PDE10A: variants seen among roughly 807,000 people sequenced by gnomAD.
The protein encoded by PDE10A is phosphodiesterase 10A.
Under a neutral mutation model 97.7 loss-of-function variants are expected in PDE10A, and 39 were observed. The ratio of observed to expected loss-of-function variants is 0.40; its 90% CI spans 0.31 to 0.52. The LOEUF (loss-of-function observed/expected upper bound fraction) is 0.52, where lower values mean the gene tolerates loss of function less well. Ranked by LOEUF, PDE10A falls within the 20% of genes least tolerant of loss-of-function variation. The pLI, the probability that PDE10A is intolerant of heterozygous loss-of-function variation, is 0.56. For missense variants in PDE10A, 731 were observed against 1,047.8 expected (o/e 0.70, Z 4.17); for synonymous variants, 371 against 376.8 (o/e 0.98, Z 0.18).
chr6:165,889,952 T>C (rs868564644), intron 1 of PDE10A, among the ~76,000 whole-genome samples: 94 of 41,664 alleles, frequency 2.3e-3, no homozygotes, highest in East Asian at 7.6e-3. Flanking sequence ...CCCTCCCTCC[T>C]CCCTCCCTCA....
rs897494797 is a variant in PDE10A at position 165,655,113 on chromosome 6, C to G, written c.865+6834G>C. On this transcript the variant is annotated intron_variant, in intron 1 of 21. Transcript: ENST00000539869. The surrounding 1 kb of genome is among the most constrained non-coding windows in gnomAD (Gnocchi z 4.5). ...GTTCGCGTGTCAAACTTCAGCCAGG[C>G]ACTTACATTGCACCCAGCTATGGTT... Among the ~76,000 whole-genome samples the G allele has an allele frequency of 6.6e-6, 1 of 152,266 alleles. No homozygotes were observed. Among genetic ancestry groups the G allele is most frequent in the African/African-American group, 2.4e-5 (1 of 41,546 alleles).
intron 10 of PDE10A, among the ~76,000 whole-genome samples, chr6:165,425,695 G>T (rs1789077602): frequency 6.6e-6 from 1 of 151,740 alleles, no homozygotes; most frequent in Non-Finnish European, 1.5e-5. Flanking sequence ...GGGTAATCAT[G>T]CCAGAAAAAG....
intron 1 of PDE10A, among the ~76,000 whole-genome samples, chr6:165,782,998 T>G (rs538708747): frequency 6.6e-6 from 1 of 151,874 alleles, no homozygotes; most frequent in Non-Finnish European, 1.5e-5. Context: ...TTTGTGGTCC[T>G]CTCTGATGCT....
chr6:165,381,953 T>C (rs1386937715), intron 17 of PDE10A, among the ~76,000 whole-genome samples: 3 of 152,194 alleles, frequency 2.0e-5, no homozygotes, highest in Non-Finnish European at 2.9e-5. Flanking sequence ...ATAATACTTT[T>C]ATACACCAAT....
chr6:165,922,654 A>C (rs1782789238), intron 1 of PDE10A, among the ~76,000 whole-genome samples: 1 of 152,126 alleles, frequency 6.6e-6, no homozygotes, highest in African/African-American at 2.4e-5. Flanking sequence ...ATCATGTGGG[A>C]GTTTATGAGA....
At chr6:165,823,826 A>G (rs1779650676) in intron 1 of PDE10A, among the ~76,000 whole-genome samples, 1 of 152,030 alleles carries the variant, frequency 6.6e-6, no homozygotes, top group South Asian at 2.1e-4. Flanking sequence ...CTCCATAATC[A>G]TCTTACGGGA....
At chr6:165,622,570 T>C (rs1451338124) in intron 1 of PDE10A, among the ~76,000 whole-genome samples, 4 of 152,180 alleles carry the variant, frequency 2.6e-5, no homozygotes, top group Non-Finnish European at 4.4e-5. Context: ...AAATATGGTA[T>C]TATAATCTTA....
chr6:165,580,000 T>A lies in PDE10A; in HGVS notation c.866-36432A>T, dbSNP rs186445651. On this transcript the variant is annotated intron_variant, in intron 1 of 21. Coordinates refer to ENST00000539869, the MANE Select transcript of PDE10A (RefSeq NM_001385079.1). Reference sequence around the variant, plus strand: ...CTGACCCTCCTCACTCTGTTCTACATCATTTTTCCTGTGGCACTCTAAACT... The same window carrying A: ...CTGACCCTCCTCACTCTGTTCTACAACATTTTTCCTGTGGCACTCTAAACT... Among the ~76,000 whole-genome samples the A allele has an allele frequency of 8.5e-5, 13 of 152,302 alleles. No individual in the cohort carries two copies. The East Asian group carries it at 2.5e-3, about 29-fold the overall frequency.
At chr6:165,603,229 T>C (rs12214904) in intron 1 of PDE10A, among the ~76,000 whole-genome samples, 15,228 of 152,152 alleles carry the variant, frequency 0.1, 935 homozygotes, top group Non-Finnish European at 0.13. Context: ...AATTCTGCCA[T>C]CCAGCCATGT....
At chr6:165,855,366 C>A (rs1185905256) in intron 1 of PDE10A, among the ~76,000 whole-genome samples, 1 of 150,672 alleles carries the variant, frequency 6.6e-6, no homozygotes, top group African/African-American at 2.4e-5. Context: ...CCTTGGGTGC[C>A]AGGGTGAAGG....
chr6:165,897,131 G>A (rs1363209317), intron 1 of PDE10A, among the ~76,000 whole-genome samples: 12 of 152,106 alleles, frequency 7.9e-5, no homozygotes, highest in East Asian at 1.9e-4. Flanking sequence ...AAAAGCAAAC[G>A]GAACTTCCTG....
chr6:165,626,637 A>G (rs1788400284), intron 1 of PDE10A, among the ~76,000 whole-genome samples: 1 of 152,236 alleles, frequency 6.6e-6, no homozygotes, highest in Non-Finnish European at 1.5e-5. Context: ...GTGTTAGGAA[A>G]GAAGACTTTC....
intron 1 of PDE10A, among the ~76,000 whole-genome samples, chr6:165,768,549 T>C (rs766541479): frequency 6.6e-6 from 1 of 152,204 alleles, no homozygotes; most frequent in Non-Finnish European, 1.5e-5. Flanking sequence ...GATTATCCAA[T>C]ATTTTTAATA....
chr6:165,905,598 G>A lies in PDE10A; in HGVS notation c.-615+81931C>T, dbSNP rs147195407. On this transcript the variant is annotated intron_variant, in intron 1 of 19. Coordinates refer to the PDE10A transcript ENST00000366882. The stretch of plus-strand genomic sequence containing the variant: ...TACATATGTTTATATATTTTAAATC[G>A]CCATTTACATGGTAATTTAAAAAAT... Among the ~76,000 whole-genome samples, 859 of 151,798 alleles carry A rather than the reference G, an allele frequency of 5.7e-3. 5 individuals are homozygous for A. Among genetic ancestry groups the A allele is most frequent in the Non-Finnish European group, 8.4e-3 (568 of 67,940 alleles).
rs77969676 is a variant in PDE10A, at chr6:165,604,811, T to C, written c.865+57136A>G. 2.8e-3 allele frequency among the ~76,000 whole-genome samples: 420 copies of C among 152,344 alleles called. 3 individuals carry two copies. Among genetic ancestry groups the C allele is most frequent in the African/African-American group, 9.7e-3 (405 of 41,582 alleles). ...TTACACATACATGTGGATTTCAGTG[T>C]AGAAGAAAAAAGCTAACAGGGTCAT... On this transcript the variant is annotated intron_variant, in intron 1 of 21. Coordinates refer to ENST00000539869, the MANE Select transcript of PDE10A (RefSeq NM_001385079.1).
intron 1 of PDE10A, among the ~76,000 whole-genome samples, chr6:165,942,615 G>A (rs988562661): frequency 2.6e-5 from 4 of 152,142 alleles, no homozygotes; most frequent in African/African-American, 9.7e-5. Flanking sequence ...ACCTGCCCTT[G>A]CCTTGTCTGC....
intron 1 of PDE10A, among the ~76,000 whole-genome samples, chr6:165,700,549 G>C (rs530863173): frequency 1.3e-5 from 2 of 152,130 alleles, no homozygotes; most frequent in Non-Finnish European, 2.9e-5. Flanking sequence ...TGTCGTGCAC[G>C]CATTTCTTTT....
At chr6:165,650,449 A>G (rs577415640) in intron 1 of PDE10A, among the ~76,000 whole-genome samples, 1 of 151,914 alleles carries the variant, frequency 6.6e-6, no homozygotes, top group Non-Finnish European at 1.5e-5. Flanking sequence ...TTACGCAATC[A>G]CAAATACAAG....
At chr6:165,541,182 C>T (rs531267773) in intron 2 of PDE10A, among the ~76,000 whole-genome samples, 2 of 152,216 alleles carry the variant, frequency 1.3e-5, no homozygotes, top group African/African-American at 4.8e-5. Context: ...CTGTTTACTA[C>T]TGATGCATTC....
Sources: allele counts gnomAD v4.1 joint callset (sites outside exome capture counted in the v4.1 genomes callset), GRCh38; gene constraint gnomAD v4.1.1; non-coding constraint Gnocchi (gnomAD v3.1); transcripts MANE v1.5; gene names NCBI Gene and HGNC (gene_info 2026-07-23, HGNC 2026-07-21).